PPP2R1A: variants seen among roughly 807,000 people sequenced by gnomAD.
The protein encoded by PPP2R1A is serine/threonine-protein phosphatase 2A 65 kDa regulatory subunit A alpha isoform.
In PPP2R1A, 15 loss-of-function variants were observed where a neutral mutation model predicts 67.1. The observed-to-expected ratio is 0.22, with a 90% confidence interval of 0.15 to 0.34. PPP2R1A has a LOEUF of 0.34. Ranked by LOEUF, PPP2R1A falls within the 10% of genes least tolerant of loss-of-function variation. The pLI, the probability that PPP2R1A is intolerant of heterozygous loss-of-function variation, is 1.00. For missense variants in PPP2R1A, 369 were observed against 775.0 expected (o/e 0.48, Z 6.22); for synonymous variants, 337 against 325.0 (o/e 1.04, Z -0.40).
intron 1 of PPP2R1A, among the ~76,000 whole-genome samples, chr19:52,197,669 T>C (rs1374616888): frequency 6.6e-6 from 1 of 152,064 alleles, no homozygotes; most frequent in Non-Finnish European, 1.5e-5. Flanking sequence ...AGTGAGACCC[T>C]GCCTCAAAAC....
chr19:52,196,500 A>T (rs10415049), intron 1 of PPP2R1A, among the ~76,000 whole-genome samples: 1,731 of 152,316 alleles, frequency 0.011, 39 homozygotes, highest in African/African-American at 0.04. Context: ...CTTAGGACAC[A>T]GAGGTTCTTT....
intron 3 of PPP2R1A, among the ~76,000 whole-genome samples, chr19:52,208,056 A>G (rs1021753273): frequency 5.3e-5 from 8 of 152,198 alleles, no homozygotes; most frequent in Non-Finnish European, 5.9e-5. Flanking sequence ...TCTCTAGGCT[A>G]TGGAAACCCA....
chr19:52,212,755 GT>G lies in PPP2R1A; in HGVS notation c.576del (p.Phe192LeufsTer38). On this transcript the variant is annotated frameshift_variant, in exon 5 of 15. Coordinates refer to ENST00000322088, the MANE Select transcript of PPP2R1A (RefSeq NM_014225.6). LOFTEE classifies it high-confidence loss of function. The surrounding 1 kb of genome is among the most constrained non-coding windows in gnomAD (Gnocchi z 4.1). ...RRAAASKLGE[F>X]AKVLELDNVK... ...GGGCCGCAGCCTCCAAGCTGGGGGA[GT>G]TTGCCAAGGTGCTGGAGCTGGACAA... 1 of 1,614,010 alleles carries G rather than the reference GT, an allele frequency of 6.2e-7. No homozygotes were observed. The highest frequency in any genetic ancestry group is 8.5e-7 in the Non-Finnish European group (1 of 1,179,992).
At chr19:52,192,288 A>G (rs988638864) in intron 1 of PPP2R1A, among the ~76,000 whole-genome samples, 1 of 151,544 alleles carries the variant, frequency 6.6e-6, no homozygotes, top group African/African-American at 2.4e-5. Context: ...GGGAACAGAT[A>G]TGTAATGGCC....
chr19:52,215,230 GT>G (rs142863559), intron 6 of PPP2R1A, among the ~76,000 whole-genome samples: 1 of 151,522 alleles, frequency 6.6e-6, no homozygotes, highest in Non-Finnish European at 1.5e-5. Context: ...TAATTGTTTT[GT>G]TTTTTTTGTA....
chr19:52,211,641 C>A lies in PPP2R1A; in HGVS notation c.503+149C>A. ...TGCTTACCACCTGATAGGCCACATC[C>A]TCGAGAGTTGGTCTCTGGACACGGC... On this transcript the variant is annotated intron_variant, in intron 4 of 14. Transcript: ENST00000322088. The surrounding 1 kb of genome is among the most constrained non-coding windows in gnomAD (Gnocchi z 5.3). 1.3e-6 allele frequency: 1 copy of A among 777,644 alleles called. No individual in the cohort carries two copies. Among genetic ancestry groups the A allele is most frequent in the Non-Finnish European group, 2.0e-6 (1 of 495,192 alleles). The allele number at this position is 777,644 out of a possible 1,614,324, so 48.2% of individuals were successfully genotyped here.
chr19:52,220,552 TTGAA>T (rs1425452621), intron 11 of PPP2R1A, among the ~76,000 whole-genome samples: 1 of 152,164 alleles, frequency 6.6e-6, no homozygotes, highest in East Asian at 1.9e-4. Flanking sequence ...CCTGCTGTCT[TTGAA>T]TGAGCCCCAC....
chr19:52,190,215 T>C, intron 1 of PPP2R1A, 41 bp downstream of exon 1: 3 of 1,539,906 alleles, frequency 1.9e-6, no homozygotes, highest in Non-Finnish European at 8.8e-7. Context: ...CGCGGAGGGG[T>C]ACCTGGGGGC....
chr19:52,224,640 G>C (rs1028885474), intron 13 of PPP2R1A, among the ~76,000 whole-genome samples: 1 of 152,196 alleles, frequency 6.6e-6, no homozygotes, highest in Non-Finnish European at 1.5e-5. Context: ...TGGGGCCCCA[G>C]TCCTTGTTTA....
chr19:52,194,349 A>G (rs1035855376), intron 1 of PPP2R1A, among the ~76,000 whole-genome samples: 1 of 152,064 alleles, frequency 6.6e-6, no homozygotes, highest in Non-Finnish European at 1.5e-5. Flanking sequence ...AGGCAGAGAG[A>G]ATGGCAAAGT....
Position 52,197,305 on chromosome 19 carries a change from C to T in PPP2R1A, c.79-4639C>T, listed in dbSNP as rs2089505651. Among the ~76,000 whole-genome samples the T allele has an allele frequency of 1.3e-5, 2 of 152,070 alleles. 1 individual carries two copies. The highest frequency in any genetic ancestry group is 4.1e-4 in the South Asian group (2 of 4,824). On this transcript the variant is annotated intron_variant, in intron 1 of 14. Coordinates refer to ENST00000322088, the MANE Select transcript of PPP2R1A (RefSeq NM_014225.6). ...CATATCTTCTAGTGTTGTTTATGTT[C>T]ACCTCTTTCAAAATTGCGTTCATTA...
intron 7 of PPP2R1A, 31 bp downstream of exon 7, chr19:52,215,924 G>A (rs1177546880): frequency 8.7e-6 from 14 of 1,612,222 alleles, no homozygotes; most frequent in Admixed American, 1.7e-5. Context: ...CACAGCAAGT[G>A]GGGTGGGTAT....
At chr19:52,192,755 G>A (rs1006902531) in intron 1 of PPP2R1A, among the ~76,000 whole-genome samples, 7 of 152,084 alleles carry the variant, frequency 4.6e-5, no homozygotes, top group African/African-American at 9.7e-5. Flanking sequence ...GCAGCTTACC[G>A]GTTTATTCTA....
At chr19:52,192,102 CAG>C (rs1433858863) in intron 1 of PPP2R1A, among the ~76,000 whole-genome samples, 1 of 151,960 alleles carries the variant, frequency 6.6e-6, no homozygotes, top group Non-Finnish European at 1.5e-5. Context: ...AAAGTGTGGT[CAG>C]GGGAGGCCTT....
At position 52,216,624 on chromosome 19, in the gene PPP2R1A, G is replaced by T; in HGVS notation, c.1089G>T (p.Glu363Asp). 1.9e-6 allele frequency: 3 copies of T among 1,614,168 alleles called. No individual in the cohort carries two copies. The highest frequency in any genetic ancestry group is 2.5e-6 in the Non-Finnish European group (3 of 1,180,044). The change falls in exon 9 of 15, where the codon GAG becomes GAT. Residue 363 changes from glutamate (E) to aspartate (D), a missense_variant. By Grantham distance (45) the Glu-to-Asp change is conservative. This residue lies in a region of PPP2R1A where 276 missense variants were observed against 508.4 expected (regional missense o/e 0.54). Transcript: ENST00000322088. The surrounding 1 kb of genome is among the most constrained non-coding windows in gnomAD (Gnocchi z 4.3). ...SPILGKDNTI[E>D]HLLPLFLAQL... ...TCTTGGGCAAAGACAACACCATCGA[G>T]CACCTCTTGCCCCTCTTCCTGGCTC... is the stretch of plus-strand genomic sequence containing the variant.
At position 52,225,781 on chromosome 19, in the gene PPP2R1A, A is replaced by G. The variant is rs749597917; in HGVS notation, c.1726A>G (p.Lys576Glu). Residue 576 changes from lysine (K) to glutamate (E), a missense_variant, in exon 14 of 15, where the codon AAA becomes GAA. By Grantham distance (56) the Lys-to-Glu change is moderately conservative (BLOSUM62 1). Around this residue, in one of 2 missense-constraint regions of PPP2R1A, gnomAD observed 276 missense variants for 508.4 expected, o/e 0.54. Transcript: ENST00000322088. ...GACCCAGGACCAGGATGTGGACGTCAAATACTTTGCCCAGGAGGCTCTGAC... is the reference window on the plus strand; with the variant it reads ...GACCCAGGACCAGGATGTGGACGTCGAATACTTTGCCCAGGAGGCTCTGAC... The part of the protein sequence containing the change: ...KLTQDQDVDV[K>E]YFAQEALTVL... 6.2e-7 allele frequency: 1 copy of G among 1,614,196 alleles called. No homozygotes were observed. The highest frequency in any genetic ancestry group is 1.1e-5 in the South Asian group (1 of 91,092).
intron 1 of PPP2R1A, chr19:52,201,691 C>G (rs374772220): frequency 4.1e-6 from 2 of 489,996 alleles, no homozygotes; most frequent in South Asian, 4.5e-5. Flanking sequence ...GAAAGTGCAA[C>G]TGAGTAGGTG....
intron 1 of PPP2R1A, 193 bp downstream of exon 1, chr19:52,190,367 G>A: frequency 1.5e-6 from 1 of 667,366 alleles, no homozygotes; most frequent in Non-Finnish European, 2.6e-6. Context: ...GCCCAGTGGA[G>A]GGCGGGGGCC....
chr19:52,210,603 T>C (rs2089657937), intron 3 of PPP2R1A, among the ~76,000 whole-genome samples: 1 of 151,650 alleles, frequency 6.6e-6, no homozygotes, highest in South Asian at 2.1e-4. Context: ...AGGATTCTTC[T>C]GCCTCAGCCT....
Sources: gnomAD v4.1 joint callset for allele counts (sites outside exome capture counted in the v4.1 genomes callset) on GRCh38, gnomAD v4.1.1 for gene constraint, gnomAD v4.1.1 regional missense constraint, Gnocchi (gnomAD v3.1) non-coding constraint, MANE v1.5 for transcripts, NCBI Gene and HGNC (gene_info 2026-07-23, HGNC 2026-07-21) for gene names.